The following CCSER1 variants were observed in gnomAD, a reference collection of about 807,000 sequenced individuals.
CCSER1 encodes the protein coiled-coil serine rich protein 1.
In CCSER1, 41 loss-of-function variants were observed where a neutral mutation model predicts 82.0. The ratio of observed to expected loss-of-function variants is 0.50; its 90% CI spans 0.39 to 0.65. The LOEUF (loss-of-function observed/expected upper bound fraction) is 0.65. Among genes scored for constraint, CCSER1 ranks in the 30% least tolerant of loss-of-function variants. The pLI is 0.00. For synonymous variants in CCSER1, 414 were observed against 383.9 expected (o/e 1.08, Z -0.92); for missense variants, 1,119 against 1,064.2 (o/e 1.05, Z -0.72).
intron 10 of CCSER1, among the ~76,000 whole-genome samples, chr4:91,316,714 C>T (rs1745859343): frequency 6.6e-6 from 1 of 151,974 alleles, no homozygotes; most frequent in Non-Finnish European, 1.5e-5. Flanking sequence ...ACTCCTGTCT[C>T]CTATAGTCTG....
chr4:91,309,386 G>A (rs559681503), intron 10 of CCSER1, among the ~76,000 whole-genome samples: 21 of 152,116 alleles, frequency 1.4e-4, no homozygotes, highest in East Asian at 3.9e-4. Flanking sequence ...GTGCACGCAC[G>A]TGCTCACATG....
intron 9 of CCSER1, among the ~76,000 whole-genome samples, chr4:91,044,677 T>C (rs900425281): frequency 1.3e-5 from 2 of 152,182 alleles, no homozygotes; most frequent in Non-Finnish European, 2.9e-5. Context: ...TTGCCTGGAA[T>C]TACTTTACCT....
intron 9 of CCSER1, among the ~76,000 whole-genome samples, chr4:91,025,554 A>AT (rs1354274182): frequency 6.6e-6 from 1 of 152,110 alleles, no homozygotes; most frequent in African/African-American, 2.4e-5. Flanking sequence ...ACTATAACTG[A>AT]TAACAGTAGC....
At chr4:90,462,439 G>T (rs1459757508) in intron 4 of CCSER1, among the ~76,000 whole-genome samples, 2 of 152,068 alleles carry the variant, frequency 1.3e-5, no homozygotes, top group African/African-American at 4.8e-5. Flanking sequence ...ACCCATCCAG[G>T]TTACCTAGGA....
At chr4:91,438,971 T>C (rs1754898036) in intron 10 of CCSER1, among the ~76,000 whole-genome samples, 1 of 152,040 alleles carries the variant, frequency 6.6e-6, no homozygotes, top group Non-Finnish European at 1.5e-5. Context: ...CCAAGAAATA[T>C]GGGACTATGT....
At chr4:90,670,644 A>C (rs1319371517) in intron 6 of CCSER1, among the ~76,000 whole-genome samples, 1 of 152,084 alleles carries the variant, frequency 6.6e-6, no homozygotes, top group Non-Finnish European at 1.5e-5. Flanking sequence ...TCAAATAAAG[A>C]GAGTGTGGCC....
At chr4:90,502,891 G>A (rs547164634) in intron 5 of CCSER1, among the ~76,000 whole-genome samples, 1 of 151,900 alleles carries the variant, frequency 6.6e-6, no homozygotes, top group Admixed American at 6.6e-5. Flanking sequence ...TTTCCTCAAA[G>A]GTGTTTTCTC....
chr4:90,661,645 A>C (rs1029284670), intron 6 of CCSER1, among the ~76,000 whole-genome samples: 8 of 152,218 alleles, frequency 5.3e-5, no homozygotes, highest in African/African-American at 1.7e-4. Context: ...ACCATGGTAC[A>C]GATTAGAGAA....
chr4:91,403,040 T>G (rs903090949), intron 10 of CCSER1, among the ~76,000 whole-genome samples: 2 of 152,256 alleles, frequency 1.3e-5, no homozygotes, highest in Middle Eastern at 3.2e-3. Context: ...TGGACTGTTC[T>G]TCCATTTGTT....
intron 5 of CCSER1, among the ~76,000 whole-genome samples, chr4:90,540,184 C>T (rs182621227): frequency 1.3e-5 from 2 of 152,120 alleles, no homozygotes; most frequent in East Asian, 3.9e-4. Flanking sequence ...ATATTCAATG[C>T]AAACTATTAG....
intron 10 of CCSER1, among the ~76,000 whole-genome samples, chr4:91,415,870 A>G (rs1273927566): frequency 6.6e-6 from 1 of 151,682 alleles, no homozygotes; most frequent in African/African-American, 2.4e-5. Context: ...CTGAAGTTTT[A>G]TTATTTTTTT....
At chr4:90,490,395 T>G (rs1257827943) in intron 5 of CCSER1, among the ~76,000 whole-genome samples, 1 of 152,212 alleles carries the variant, frequency 6.6e-6, no homozygotes, top group African/African-American at 2.4e-5. Context: ...TAAATTTGTT[T>G]GAGTTCATTG....
intron 10 of CCSER1, among the ~76,000 whole-genome samples, chr4:91,533,810 T>A (rs1436039331): frequency 6.6e-6 from 1 of 152,094 alleles, no homozygotes; most frequent in Non-Finnish European, 1.5e-5. Flanking sequence ...ATAATGAGTT[T>A]AAACATTATT....
intron 10 of CCSER1, among the ~76,000 whole-genome samples, chr4:91,217,727 C>T (rs1057110602): frequency 4.6e-5 from 7 of 152,052 alleles, no homozygotes; most frequent in Non-Finnish European, 8.8e-5. Flanking sequence ...TATTTACAAT[C>T]CCTGAGCTAG....
intron 7 of CCSER1, among the ~76,000 whole-genome samples, chr4:90,785,813 A>G (rs1449442765): frequency 1.3e-5 from 2 of 152,326 alleles, no homozygotes; most frequent in African/African-American, 4.8e-5. Flanking sequence ...AATGAACAAA[A>G]TGAGTATTGC....
chr4:90,938,300 GC>G (rs1469042525), intron 9 of CCSER1, among the ~76,000 whole-genome samples: 2 of 152,010 alleles, frequency 1.3e-5, no homozygotes, highest in African/African-American at 2.4e-5. Context: ...CTTATGTAGT[GC>G]TTAATTATTT....
intron 10 of CCSER1, among the ~76,000 whole-genome samples, chr4:91,113,035 T>A (rs1047693175): frequency 1.3e-5 from 2 of 152,222 alleles, no homozygotes; most frequent in African/African-American, 4.8e-5. Context: ...AGTTACCTAT[T>A]CTGTGGCATA....
At chr4:90,544,879 G>T (rs1391788106) in intron 5 of CCSER1, among the ~76,000 whole-genome samples, 1 of 152,162 alleles carries the variant, frequency 6.6e-6, no homozygotes, top group African/African-American at 2.4e-5. Flanking sequence ...TTCTTAGAAT[G>T]TAAGCAGATC....
chr4:90,485,369 T>A (rs1766854145), intron 5 of CCSER1, among the ~76,000 whole-genome samples: 1 of 152,158 alleles, frequency 6.6e-6, no homozygotes, highest in South Asian at 2.1e-4. Flanking sequence ...CACGGTGCGC[T>A]GCACCCACTG....
Sources: gnomAD v4.1 joint callset for allele counts (sites outside exome capture counted in the v4.1 genomes callset) on GRCh38, gnomAD v4.1.1 for gene constraint, MANE v1.5 for transcripts, NCBI Gene and HGNC (gene_info 2026-07-23, HGNC 2026-07-21) for gene names.